PARD3B: variants seen among roughly 807,000 people sequenced by gnomAD.
The protein encoded by PARD3B is partitioning defective 3 homolog B.
A neutral mutation model predicts 130.2 loss-of-function variants in PARD3B; 103 were observed. That is an observed-to-expected ratio of 0.79 (90% CI 0.67 to 0.93). The LOEUF is 0.93. Among genes scored for constraint, PARD3B ranks in the 40% least tolerant of loss-of-function variants. The probability of loss-of-function intolerance (pLI) is 0.00; values close to 1 mark genes in which losing one functional copy is unlikely to be tolerated. For synonymous variants in PARD3B, 583 were observed against 553.2 expected (o/e 1.05, Z -0.76); for missense variants, 1,609 against 1,499.2 (o/e 1.07, Z -1.21).
At chr2:204,904,020 C>G (rs1263142781) in intron 2 of PARD3B, among the ~76,000 whole-genome samples, 2 of 152,182 alleles carry the variant, frequency 1.3e-5, no homozygotes, top group Non-Finnish European at 2.9e-5. Context: ...CTATACCACA[C>G]ATAAGAGTTT....
intron 2 of PARD3B, among the ~76,000 whole-genome samples, chr2:204,766,013 T>A (rs2041128519): frequency 6.6e-6 from 1 of 152,190 alleles, no homozygotes; most frequent in Non-Finnish European, 1.5e-5. Context: ...ATTTTAAAAT[T>A]TTACTTTTAA....
intron 1 of PARD3B, among the ~76,000 whole-genome samples, chr2:204,660,034 CCTCAACCTCAGATGTCCAGGCAAG>C (rs1196344941): frequency 5.9e-5 from 9 of 152,154 alleles, no homozygotes; most frequent in Non-Finnish European, 2.9e-5. Context: ...AGATAATTCA[CCTCAACCTCAGATGTCCAGGCAAG>C]ACGAACAGAG....
chr2:205,531,690 A>C (rs2051601338), intron 21 of PARD3B, among the ~76,000 whole-genome samples: 1 of 152,014 alleles, frequency 6.6e-6, no homozygotes, highest in Admixed American at 6.6e-5. Context: ...AAATGTCCTA[A>C]CACCACTCTC....
chr2:205,410,424 C>G (rs924179264), intron 19 of PARD3B, among the ~76,000 whole-genome samples: 1 of 152,026 alleles, frequency 6.6e-6, no homozygotes, highest in Non-Finnish European at 1.5e-5. Context: ...TATTCATTTT[C>G]GTGGCATTGG....
At chr2:205,429,408 C>T (rs2047252510) in intron 19 of PARD3B, among the ~76,000 whole-genome samples, 2 of 152,142 alleles carry the variant, frequency 1.3e-5, no homozygotes, top group African/African-American at 4.8e-5. Context: ...GCAGAAGAAT[C>T]CCAGCTAATA....
At chr2:205,328,874 C>A (rs569004853) in intron 18 of PARD3B, among the ~76,000 whole-genome samples, 1 of 152,200 alleles carries the variant, frequency 6.6e-6, no homozygotes, top group African/African-American at 2.4e-5. Context: ...TAAATGGGCC[C>A]TAAAGATTTA....
At chr2:205,099,657 G>C (rs896793222) in intron 4 of PARD3B, among the ~76,000 whole-genome samples, 2 of 152,114 alleles carry the variant, frequency 1.3e-5, no homozygotes, top group East Asian at 3.9e-4. Context: ...TCAAAGCACT[G>C]CACAGCTACA....
At chr2:205,210,202 C>T (rs922924183) in intron 15 of PARD3B, among the ~76,000 whole-genome samples, 2 of 150,688 alleles carry the variant, frequency 1.3e-5, no homozygotes, top group African/African-American at 4.9e-5. Flanking sequence ...CCCATCTCTA[C>T]AAAAAAAATT....
chr2:205,412,598 T>C (rs917137436), intron 19 of PARD3B, among the ~76,000 whole-genome samples: 2 of 152,216 alleles, frequency 1.3e-5, no homozygotes, highest in Non-Finnish European at 2.9e-5. Context: ...CAGTGCAAAC[T>C]CTTTGTCCTA....
chr2:205,186,302 C>A (rs985110797), intron 14 of PARD3B, among the ~76,000 whole-genome samples: 1 of 151,802 alleles, frequency 6.6e-6, no homozygotes, highest in Non-Finnish European at 1.5e-5. Flanking sequence ...AAAGCAACAC[C>A]ATATATAATC....
Position 205,291,851 on chromosome 2 carries a change from A to G in PARD3B, c.2186-8679A>G, listed in dbSNP as rs1384931173. ...ACAACTGTTTGATAAGGAGATTAGT[A>G]TGGATCAGCCATCTCAGCAGAAGCC... On this transcript the variant is annotated intron_variant, in intron 16 of 22. Transcript: ENST00000406610. This position sits in a 1 kb window ranked among gnomAD's most constrained non-coding sequence, Gnocchi z 4.6. Among the ~76,000 whole-genome samples, 4 of 152,240 alleles carry G rather than the reference A, an allele frequency of 2.6e-5. No homozygotes were observed. The highest frequency in any genetic ancestry group is 5.9e-5 in the Non-Finnish European group (4 of 68,042).
Position 204,677,529 on chromosome 2 carries a change from T to A in PARD3B, c.121-8652T>A, listed in dbSNP as rs952654891. Among the ~76,000 whole-genome samples the A allele has an allele frequency of 6.6e-6, 1 of 152,192 alleles. No individual in the cohort carries two copies. The highest frequency in any genetic ancestry group is 6.5e-5 in the Admixed American group (1 of 15,280). ...AAGATGTATTTCCATCTCCTTAACC[T>A]TTGTGGTTACTGTCACATGGGTCAT... On this transcript the variant is annotated intron_variant, in intron 1 of 22. Transcript: ENST00000406610. This position sits in a 1 kb window ranked among gnomAD's most constrained non-coding sequence, Gnocchi z 4.1.
chr2:205,140,986 T>G (rs1399940507), intron 10 of PARD3B, among the ~76,000 whole-genome samples: 1 of 152,202 alleles, frequency 6.6e-6, no homozygotes, highest in African/African-American at 2.4e-5. Flanking sequence ...GCCCTACTTT[T>G]GATGTGGCTA....
rs560814271 is a variant in PARD3B at position 204,770,579 on chromosome 2, A to C, written c.222+84297A>C. On this transcript the variant is annotated intron_variant, in intron 2 of 22. Transcript: ENST00000406610. ...AAATAATGTGGCAACGTTCTTTGAG[A>C]GAGTATACCAGGTTAAATTGCTAAG... is the stretch of plus-strand genomic sequence containing the variant. Among the ~76,000 whole-genome samples the C allele has an allele frequency of 2.6e-5, 4 of 152,206 alleles. No homozygotes were observed. In the South Asian group the frequency reaches 8.3e-4, roughly 32 times the overall value.
chr2:205,431,131 C>T (rs2047317449), intron 19 of PARD3B, among the ~76,000 whole-genome samples: 2 of 152,212 alleles, frequency 1.3e-5, no homozygotes, highest in Non-Finnish European at 2.9e-5. Context: ...AGGCTGGGTG[C>T]AATGGCACGA....
At chr2:204,583,470 T>C (rs1174892458) in intron 1 of PARD3B, among the ~76,000 whole-genome samples, 2 of 95,738 alleles carry the variant, frequency 2.1e-5, no homozygotes, top group Non-Finnish European at 4.2e-5. Context: ...CTGTGGGGAC[T>C]GTGGTGGGGT....
intron 19 of PARD3B, among the ~76,000 whole-genome samples, chr2:205,419,561 A>G (rs2046895934): frequency 6.6e-6 from 1 of 152,208 alleles, no homozygotes; most frequent in Admixed American, 6.5e-5. Context: ...ATCTATTGAC[A>G]TAGATAAGGC....
At chr2:204,893,582 G>A (rs2046528535) in intron 2 of PARD3B, among the ~76,000 whole-genome samples, 1 of 152,138 alleles carries the variant, frequency 6.6e-6, no homozygotes. Context: ...ATTCAAATGT[G>A]AAAAGATACA....
chr2:205,540,631 A>T (rs1404377354), intron 21 of PARD3B, among the ~76,000 whole-genome samples: 1 of 152,196 alleles, frequency 6.6e-6, no homozygotes, highest in African/African-American at 2.4e-5. Context: ...TATTTTGATT[A>T]AAAAGGTGTG....
Sources: gnomAD v4.1 joint callset for allele counts (sites outside exome capture counted in the v4.1 genomes callset) on GRCh38, gnomAD v4.1.1 for gene constraint, Gnocchi (gnomAD v3.1) non-coding constraint, MANE v1.5 for transcripts, NCBI Gene and HGNC (gene_info 2026-07-23, HGNC 2026-07-21) for gene names.